Variants in SPAG16 observed in about 807,000 individuals in gnomAD.
SPAG16 encodes sperm associated antigen 16.
A neutral mutation model predicts 80.4 loss-of-function variants in SPAG16; 86 were observed. That is an observed-to-expected ratio of 1.07 (90% CI 0.90 to 1.28). The LOEUF is 1.28. Among genes scored for constraint, SPAG16 ranks in the 50% most tolerant of loss-of-function variants. The probability of loss-of-function intolerance (pLI) is 0.00; values close to 1 mark genes in which losing one functional copy is unlikely to be tolerated. For synonymous variants in SPAG16, 294 were observed against 265.9 expected (o/e 1.11, Z -1.03); for missense variants, 870 against 765.3 (o/e 1.14, Z -1.61).
chr2:213,945,486 C>T (rs1046892398), intron 12 of SPAG16, among the ~76,000 whole-genome samples: 2 of 152,038 alleles, frequency 1.3e-5, no homozygotes, highest in Admixed American at 1.3e-4. Flanking sequence ...CAGGAAGCAT[C>T]CAGCATGGGA....
Position 214,009,103 on chromosome 2 carries a change from A to G in SPAG16, c.1401-4848A>G, listed in dbSNP as rs78626913. Among the ~76,000 whole-genome samples, 960 of 152,270 alleles carry G rather than the reference A, an allele frequency of 6.3e-3. 7 individuals carry two copies. The highest frequency in any genetic ancestry group is 0.022 in the African/African-American group (918 of 41,566). On this transcript the variant is annotated intron_variant, in intron 12 of 15. Transcript: ENST00000331683. ...ATTGTTCAGCAATCAACCATAGAGC[A>G]GGAAATCTCTGCTAGACCTTGTGGA...
At chr2:214,108,679 G>A (rs758395354) in intron 14 of SPAG16, among the ~76,000 whole-genome samples, 21 of 152,018 alleles carry the variant, frequency 1.4e-4, no homozygotes, top group Non-Finnish European at 2.6e-4. Context: ...AAAACCTGGA[G>A]AAGAAAAAGC....
intron 15 of SPAG16, among the ~76,000 whole-genome samples, chr2:214,405,809 A>C (rs1217174408): frequency 6.6e-6 from 1 of 152,128 alleles, no homozygotes; most frequent in East Asian, 1.9e-4. Flanking sequence ...AAAATAAATA[A>C]ATAAAGAAAA....
chr2:213,864,115 T>C (rs796605724), intron 11 of SPAG16, among the ~76,000 whole-genome samples: 2 of 152,286 alleles, frequency 1.3e-5, no homozygotes, highest in African/African-American at 4.8e-5. Context: ...TATTTTGGTT[T>C]ATTTGTGGTG....
chr2:213,545,974 C>G (rs777227036), intron 10 of SPAG16, among the ~76,000 whole-genome samples: 1 of 152,090 alleles, frequency 6.6e-6, no homozygotes, highest in Non-Finnish European at 1.5e-5. Flanking sequence ...AAGGTCACTA[C>G]TCTTTTTTTA....
intron 13 of SPAG16, among the ~76,000 whole-genome samples, chr2:214,094,878 A>G (rs2052475981): frequency 6.6e-6 from 1 of 152,058 alleles, no homozygotes; most frequent in African/African-American, 2.4e-5. Context: ...ACTACGTCCC[A>G]GGTGCATCAT....
At chr2:214,007,963 C>G (rs1380289484) in intron 12 of SPAG16, among the ~76,000 whole-genome samples, 1 of 149,688 alleles carries the variant, frequency 6.7e-6, no homozygotes, top group Non-Finnish European at 1.5e-5. Flanking sequence ...TACCTCATCT[C>G]CCTCCCTCCT....
At chr2:213,759,991 T>G (rs2068564403) in intron 10 of SPAG16, among the ~76,000 whole-genome samples, 1 of 151,730 alleles carries the variant, frequency 6.6e-6, no homozygotes, top group Non-Finnish European at 1.5e-5. Flanking sequence ...TCCAAGATTG[T>G]GCCATGGCAC....
intron 11 of SPAG16, among the ~76,000 whole-genome samples, chr2:213,903,676 T>A (rs1224615232): frequency 6.6e-6 from 1 of 152,188 alleles, no homozygotes. Flanking sequence ...CCGCTCCTTG[T>A]TACTTATGCA....
intron 10 of SPAG16, among the ~76,000 whole-genome samples, chr2:213,834,277 A>G (rs1031223450): frequency 3.3e-5 from 5 of 152,170 alleles, no homozygotes; most frequent in African/African-American, 7.2e-5. Flanking sequence ...TTAGCAGGAG[A>G]AAAGCATAAA....
intron 10 of SPAG16, among the ~76,000 whole-genome samples, chr2:213,833,967 C>T (rs188017890): frequency 6.6e-6 from 1 of 152,086 alleles, no homozygotes; most frequent in African/African-American, 2.4e-5. Flanking sequence ...TCCCAGAATT[C>T]CCACGTGTTG....
chr2:213,684,875 C>G (rs1320334694), intron 10 of SPAG16, among the ~76,000 whole-genome samples: 1 of 152,176 alleles, frequency 6.6e-6, no homozygotes, highest in Non-Finnish European at 1.5e-5. Context: ...ATTGGGGGAA[C>G]AACTATGGGT....
intron 6 of SPAG16, among the ~76,000 whole-genome samples, chr2:213,345,876 A>G (rs1047729904): frequency 6.6e-6 from 1 of 151,726 alleles, no homozygotes; most frequent in Non-Finnish European, 1.5e-5. Flanking sequence ...TCTTTTTTGG[A>G]TCCATATGAA....
chr2:213,454,491 CTG>C (rs577070814), intron 9 of SPAG16, among the ~76,000 whole-genome samples: 16 of 152,246 alleles, frequency 1.1e-4, no homozygotes, highest in Non-Finnish European at 2.4e-4. Context: ...GAAGTTGAAA[CTG>C]TATTTCTATT....
intron 10 of SPAG16, among the ~76,000 whole-genome samples, chr2:213,584,624 A>G (rs1460139908): frequency 2.7e-5 from 4 of 150,716 alleles, no homozygotes; most frequent in African/African-American, 9.7e-5. Flanking sequence ...GGAAGGAGGG[A>G]AGGAAGGAAG....
chr2:213,355,099 A>T (rs1052302415), intron 7 of SPAG16, among the ~76,000 whole-genome samples: 1 of 152,202 alleles, frequency 6.6e-6, no homozygotes, highest in Non-Finnish European at 1.5e-5. Flanking sequence ...CAGTTTTCCC[A>T]GCACCATTTA....
At chr2:213,859,856 G>T (rs1664817815) in intron 10 of SPAG16, among the ~76,000 whole-genome samples, 1 of 152,184 alleles carries the variant, frequency 6.6e-6, no homozygotes, top group Admixed American at 6.5e-5. Flanking sequence ...TACTATTGGG[G>T]TTGAGCATAC....
intron 13 of SPAG16, among the ~76,000 whole-genome samples, chr2:214,022,058 G>A (rs1040176670): frequency 8.5e-5 from 13 of 152,172 alleles, no homozygotes; most frequent in Middle Eastern, 3.4e-3. Flanking sequence ...AGGCAACCAA[G>A]AGAACTTTGT....
intron 12 of SPAG16, among the ~76,000 whole-genome samples, chr2:213,935,054 T>A (rs1176085896): frequency 6.6e-6 from 1 of 151,836 alleles, no homozygotes; most frequent in Non-Finnish European, 1.5e-5. Context: ...TACAAAAAAT[T>A]ACCTGGGCGT....
Sources: gnomAD v4.1 joint callset for allele counts (sites outside exome capture counted in the v4.1 genomes callset) on GRCh38, gnomAD v4.1.1 for gene constraint, MANE v1.5 for transcripts, NCBI Gene and HGNC (gene_info 2026-07-23, HGNC 2026-07-21) for gene names.